The following NFKB1 variants were observed in gnomAD, a reference collection of about 807,000 sequenced individuals.
The protein encoded by NFKB1 is nuclear factor NF-kappa-B p105 subunit.
In NFKB1, 9 loss-of-function variants were observed where a neutral mutation model predicts 105.1. The observed-to-expected ratio is 0.09, with a 90% CI of 0.05 to 0.15. NFKB1 has a LOEUF of 0.15. Among genes scored for constraint, NFKB1 ranks in the 10% least tolerant of loss-of-function variants. NFKB1 has a pLI of 1.00. For missense variants in NFKB1, 830 were observed against 1,203.7 expected, an observed-to-expected ratio of 0.69 and a Z score of 4.59; for synonymous variants, 440 against 442.2, an observed-to-expected ratio of 1.00 and a Z score of 0.06.
intron 5 of NFKB1, among the ~76,000 whole-genome samples, chr4:102,538,399 T>C (rs891478437): frequency 6.6e-6 from 1 of 152,204 alleles, no homozygotes; most frequent in Non-Finnish European, 1.5e-5. Context: ...TTTGAATAGG[T>C]TTAACCAATA....
At chr4:102,524,292 G>A (rs1740755727) in intron 1 of NFKB1, among the ~76,000 whole-genome samples, 1 of 152,068 alleles carries the variant, frequency 6.6e-6, no homozygotes, top group African/African-American at 2.4e-5. Context: ...AGATTGCTAG[G>A]GCCTGCAGTA....
intron 1 of NFKB1, among the ~76,000 whole-genome samples, chr4:102,518,336 C>T (rs947782943): frequency 3.3e-5 from 5 of 152,042 alleles, no homozygotes; most frequent in African/African-American, 1.2e-4. Context: ...TTTATGTATA[C>T]ACCACAGTGT....
At chr4:102,601,035 C>A in intron 16 of NFKB1, 26 bp downstream of exon 16, 1 of 1,368,670 alleles carries the variant, frequency 7.3e-7, no homozygotes, top group Non-Finnish European at 1.0e-6. Flanking sequence ...AAGAAAACAA[C>A]TGAAGAAAAA....
intron 1 of NFKB1, among the ~76,000 whole-genome samples, chr4:102,510,046 C>CTT (rs1380094745): frequency 6.6e-6 from 1 of 152,164 alleles, no homozygotes; most frequent in Non-Finnish European, 1.5e-5. Flanking sequence ...CAGTTTCTGA[C>CTT]TTTGAATGCC....
In NFKB1 at chr4:102,616,488, G is replaced by A. The variant is rs751585372; in HGVS notation, c.2804G>A (p.Arg935His). ...VCDSGVETSF[R>H]KLSFTESLTS... ...GACAGCGGCGTGGAGACATCCTTCC[G>A]CAAACTCAGCTTTACCGAGTCTCTG... is the stretch of plus-strand genomic sequence containing the variant. Residue 935 changes from arginine (R) to histidine (H), a missense_variant, in exon 24 of 24, where the codon CGC becomes CAC. Arg to His is a conservative substitution (Grantham distance 29, BLOSUM62 0). Around this residue, in one of 8 missense-constraint regions of NFKB1, gnomAD observed 418 missense variants for 575.3 expected, o/e 0.73. Coordinates refer to ENST00000226574, the MANE Select transcript of NFKB1 (RefSeq NM_003998.4). 3.3e-5 allele frequency: 53 copies of A among 1,613,882 alleles called. No homozygotes were observed. The highest frequency in any genetic ancestry group is 4.4e-5 in the South Asian group (4 of 91,074).
At chr4:102,521,649 A>C (rs1314822750) in intron 1 of NFKB1, among the ~76,000 whole-genome samples, 1 of 152,186 alleles carries the variant, frequency 6.6e-6, no homozygotes, top group Non-Finnish European at 1.5e-5. Flanking sequence ...AAGTTTCCCC[A>C]GTTACAAGGA....
chr4:102,552,412 T>C (rs1722686513), intron 5 of NFKB1, among the ~76,000 whole-genome samples: 1 of 152,204 alleles, frequency 6.6e-6, no homozygotes, highest in Non-Finnish European at 1.5e-5. Context: ...CAGTCAGGGC[T>C]GTCTGAGGAT....
In NFKB1 at chr4:102,596,174, G is replaced by A. The variant is rs149548281; in HGVS notation, c.1337G>A (p.Gly446Asp). The change falls in exon 14 of 24, where the codon GGT (glycine) becomes GAT (aspartate). Residue 446 changes from glycine (G) to aspartate (D), a missense_variant. Physicochemically the swap from Gly to Asp is moderately conservative, Grantham distance 94 (BLOSUM62 -1). Transcript: ENST00000226574. Reference sequence around the variant, plus strand: ...ACTGAATCTAAAAAGGACCCTGAAGGTTGTGACAAAAGTGATGACAAAAAC... The same window carrying A: ...ACTGAATCTAAAAAGGACCCTGAAGATTGTGACAAAAGTGATGACAAAAAC... ...MDTESKKDPE[G>D]CDKSDDKNTV... 6.2e-7 allele frequency: 1 copy of A among 1,610,604 alleles called. No homozygotes were observed. Among genetic ancestry groups the A allele is most frequent in the African/African-American group, 1.3e-5 (1 of 74,804 alleles).
intron 13 of NFKB1, 86 bp downstream of exon 13, chr4:102,595,067 C>G: frequency 1.3e-6 from 1 of 773,054 alleles, no homozygotes; most frequent in South Asian, 1.8e-5. Context: ...CTTATCACAA[C>G]AGTATTATCA....
chr4:102,572,485 A>G (rs1263546153), intron 6 of NFKB1, among the ~76,000 whole-genome samples: 2 of 152,198 alleles, frequency 1.3e-5, no homozygotes, highest in African/African-American at 2.4e-5. Flanking sequence ...ATAAAAAATA[A>G]GCAAGTTTAC....
chr4:102,546,815 T>C lies in NFKB1; in HGVS notation c.258+8859T>C, dbSNP rs530868504. Among the ~76,000 whole-genome samples the C allele has an allele frequency of 2.6e-5, 4 of 152,282 alleles. No individual in the cohort carries two copies. The South Asian group carries it at 8.3e-4, about 32-fold the overall frequency. ...GGGTGATCCTCAGGCAGAGAGGTGA[T>C]GAGGAAGTTGCCTGTCTCAGCCTAG... On this transcript the variant is annotated intron_variant, in intron 5 of 23. Transcript: ENST00000226574.
intron 6 of NFKB1, among the ~76,000 whole-genome samples, chr4:102,573,933 T>G (rs149186510): frequency 6.6e-6 from 1 of 152,160 alleles, no homozygotes; most frequent in East Asian, 1.9e-4. Flanking sequence ...ACCAATGCTT[T>G]CTTCTTTTTC....
chr4:102,589,279 C>A (rs1484224590), intron 11 of NFKB1, among the ~76,000 whole-genome samples: 1 of 152,122 alleles, frequency 6.6e-6, no homozygotes, highest in Non-Finnish European at 1.5e-5. Flanking sequence ...AAATAAGTTG[C>A]CTGCTTCCCT....
chr4:102,615,421 C>G (rs1003507301), intron 23 of NFKB1, among the ~76,000 whole-genome samples: 8 of 152,162 alleles, frequency 5.3e-5, no homozygotes, highest in African/African-American at 1.9e-4. Context: ...TTTCTTGCCA[C>G]TCAGTTTCAG....
intron 3 of NFKB1, among the ~76,000 whole-genome samples, chr4:102,532,140 A>T (rs752795988): frequency 4.6e-5 from 7 of 152,200 alleles, no homozygotes; most frequent in African/African-American, 1.2e-4. Context: ...AATTTCATAC[A>T]GACAAAAGAT....
At chr4:102,511,799 G>A (rs1211295967) in intron 1 of NFKB1, among the ~76,000 whole-genome samples, 2 of 152,180 alleles carry the variant, frequency 1.3e-5, no homozygotes, top group Non-Finnish European at 2.9e-5. Context: ...TTATCTCAAG[G>A]TGAACACGTT....
intron 5 of NFKB1, among the ~76,000 whole-genome samples, chr4:102,563,463 G>C (rs144946319): frequency 1.3e-5 from 2 of 151,998 alleles, no homozygotes; most frequent in African/African-American, 4.8e-5. Context: ...AAACTTTCAG[G>C]ATGGTCATAT....
chr4:102,553,629 C>T (rs1722780778), intron 5 of NFKB1, among the ~76,000 whole-genome samples: 2 of 152,088 alleles, frequency 1.3e-5, no homozygotes, highest in Admixed American at 1.3e-4. Context: ...ATTAAAATTT[C>T]TCAGTGTATC....
intron 5 of NFKB1, among the ~76,000 whole-genome samples, chr4:102,543,782 C>T (rs1188816213): frequency 2.0e-5 from 3 of 152,028 alleles, no homozygotes; most frequent in Non-Finnish European, 2.9e-5. Flanking sequence ...TGGTTTGGAT[C>T]TATTTGGAGT....
Sources: gnomAD v4.1 joint callset for allele counts (sites outside exome capture counted in the v4.1 genomes callset) on GRCh38, gnomAD v4.1.1 for gene constraint, gnomAD v4.1.1 regional missense constraint, MANE v1.5 for transcripts, NCBI Gene and HGNC (gene_info 2026-07-23, HGNC 2026-07-21) for gene names.